The following MAPK10 variants were observed in gnomAD, a reference collection of about 807,000 sequenced individuals.
MAPK10 encodes mitogen-activated protein kinase 10, also known as JNK3 alpha protein kinase.
MAPK10 carries 25 observed loss-of-function variants against 59.3 expected under a neutral mutation model. The ratio of observed to expected loss-of-function variants is 0.42; its 90% CI spans 0.31 to 0.59. The LOEUF (loss-of-function observed/expected upper bound fraction) is 0.59, where lower values mean the gene tolerates loss of function less well. Ranked by LOEUF, MAPK10 falls within the 20% of genes least tolerant of loss-of-function variation. The pLI, the probability that MAPK10 is intolerant of heterozygous loss-of-function variation, is 0.15. For synonymous variants in MAPK10, 190 were observed against 200.5 expected (o/e 0.95, Z 0.44); for missense variants, 351 against 568.9 (o/e 0.62, Z 3.90).
rs2095808575 is a variant in MAPK10, at chr4:86,317,365, GC to G, written c.-7+37164del. 2.0e-5 allele frequency among the ~76,000 whole-genome samples: 3 copies of G among 152,118 alleles called. No individual in the cohort carries two copies. The South Asian group carries it at 6.2e-4, about 32-fold the overall frequency. ...CTCCCTAGAAGATGCCCATTACTCT[GC>G]CCTCCTTAGTCCTGCCCACCTCTGA... On this transcript the variant is annotated intron_variant, in intron 2 of 13. Coordinates refer to ENST00000641462, the MANE Select transcript of MAPK10 (RefSeq NM_138982.4).
chr4:86,382,418 G>A (rs997161930), intron 1 of MAPK10, among the ~76,000 whole-genome samples: 5 of 152,010 alleles, frequency 3.3e-5, no homozygotes, highest in Non-Finnish European at 5.9e-5. Context: ...TATTCTAATT[G>A]TACCCTATTG....
chr4:86,068,050 T>A, intron 9 of MAPK10, 95 bp from the exon 10 acceptor site: 1 of 656,424 alleles, frequency 1.5e-6, no homozygotes, highest in Non-Finnish European at 2.5e-6. Context: ...CAACAGTCAT[T>A]AATGCAACTG....
intron 2 of MAPK10, among the ~76,000 whole-genome samples, chr4:86,321,218 A>G (rs567120714): frequency 3.3e-5 from 5 of 152,172 alleles, no homozygotes; most frequent in Admixed American, 2.6e-4. Context: ...CATTTGACCC[A>G]GCCATCCCAT....
At chr4:86,492,991 A>G (rs1019873093) in intron 1 of MAPK10, among the ~76,000 whole-genome samples, 1 of 152,164 alleles carries the variant, frequency 6.6e-6, no homozygotes, top group Admixed American at 6.5e-5. Flanking sequence ...CAAAATTGAA[A>G]ACCTAACTTA....
At chr4:86,516,806 T>A (rs1050918322) in intron 1 of MAPK10, among the ~76,000 whole-genome samples, 6 of 152,190 alleles carry the variant, frequency 3.9e-5, no homozygotes, top group Non-Finnish European at 8.8e-5. Context: ...ATCCAGGAGC[T>A]TTTTGGATGG....
intron 2 of MAPK10, among the ~76,000 whole-genome samples, chr4:86,324,998 C>A (rs1157489469): frequency 6.6e-6 from 1 of 152,116 alleles, no homozygotes; most frequent in Non-Finnish European, 1.5e-5. Flanking sequence ...TTCTAAATTG[C>A]CTACTGTTTC....
chr4:86,344,237 T>C (rs4693143), intron 2 of MAPK10, among the ~76,000 whole-genome samples: 109,600 of 151,970 alleles, frequency 0.72, 40,316 homozygotes, highest in South Asian at 0.9. Context: ...AGGAATTCTA[T>C]CCCCTCAGCT....
chr4:86,399,026 A>T (rs975250134), intron 1 of MAPK10, among the ~76,000 whole-genome samples: 2 of 152,214 alleles, frequency 1.3e-5, no homozygotes, highest in East Asian at 3.9e-4. Context: ...ACCTGGGTTG[A>T]TTCTGTCTTT....
chr4:86,201,312 C>A (rs186231943), intron 2 of MAPK10, among the ~76,000 whole-genome samples: 4 of 152,016 alleles, frequency 2.6e-5, no homozygotes, highest in Admixed American at 2.6e-4. Flanking sequence ...GAACCATTTT[C>A]AATCTCCTGC....
chr4:86,567,440 G>A (rs1176396769), intron 1 of MAPK10, among the ~76,000 whole-genome samples: 1 of 152,064 alleles, frequency 6.6e-6, no homozygotes, highest in Non-Finnish European at 1.5e-5. Flanking sequence ...GGCTGGTCTC[G>A]AACTCCTAAC....
intron 4 of MAPK10, among the ~76,000 whole-genome samples, chr4:86,136,180 G>C (rs2062033608): frequency 6.6e-6 from 1 of 152,140 alleles, no homozygotes. Context: ...AGGAAACACA[G>C]AGAATGCCAC....
intron 4 of MAPK10, among the ~76,000 whole-genome samples, chr4:86,107,872 T>C (rs1186428599): frequency 3.3e-5 from 5 of 152,166 alleles, no homozygotes; most frequent in African/African-American, 7.2e-5. Flanking sequence ...TTGTTTGTTA[T>C]TGTTTTTTAG....
At chr4:86,282,610 C>T (rs909972915) in intron 2 of MAPK10, among the ~76,000 whole-genome samples, 11 of 152,144 alleles carry the variant, frequency 7.2e-5, no homozygotes, top group Admixed American at 5.9e-4. Flanking sequence ...TTAAAATTTT[C>T]CCTGGCACCA....
At chr4:86,126,106 T>C (rs1236916163) in intron 4 of MAPK10, among the ~76,000 whole-genome samples, 1 of 152,110 alleles carries the variant, frequency 6.6e-6, no homozygotes, top group African/African-American at 2.4e-5. Context: ...GACTTTATGA[T>C]TGTCCTCCAC....
At chr4:86,420,997 G>A (rs1746456498) in intron 1 of MAPK10, among the ~76,000 whole-genome samples, 1 of 151,190 alleles carries the variant, frequency 6.6e-6, no homozygotes, top group African/African-American at 2.4e-5. Flanking sequence ...CAGGAGAATC[G>A]CTTGAACCCG....
chr4:86,011,053 T>C lies in MAPK10; in HGVS notation c.*6175A>G, dbSNP rs569953462. On this transcript the variant is annotated 3_prime_UTR_variant, in exon 14 of 14. Transcript: ENST00000641462. The stretch of plus-strand genomic sequence containing the variant: ...TAGGAATGTCTTTAAAAGTAAGAAA[T>C]ATTTGACATAAGGTAGAAAATTTCA... 1 of 152,380 alleles carries C rather than the reference T, an allele frequency of 6.6e-6. No individual in the cohort carries two copies. The highest frequency in any genetic ancestry group is 2.4e-5 in the African/African-American group (1 of 41,602). 9.4% of individuals were successfully genotyped at this position (152,380 alleles called of 1,614,324 possible).
At chr4:86,075,653 G>T (rs577424900) in intron 9 of MAPK10, among the ~76,000 whole-genome samples, 1 of 151,888 alleles carries the variant, frequency 6.6e-6, no homozygotes, top group Non-Finnish European at 1.5e-5. Flanking sequence ...ATACCCTGCT[G>T]TGTGAGGTGG....
chr4:86,246,687 TC>T (rs1160912275), intron 2 of MAPK10, among the ~76,000 whole-genome samples: 2 of 152,068 alleles, frequency 1.3e-5, no homozygotes, highest in Non-Finnish European at 2.9e-5. Flanking sequence ...TGTTACCACC[TC>T]CACTACAGAT....
At chr4:86,291,324 C>T (rs1325942450) in intron 2 of MAPK10, among the ~76,000 whole-genome samples, 2 of 152,180 alleles carry the variant, frequency 1.3e-5, no homozygotes, top group Non-Finnish European at 1.5e-5. Context: ...TACAGCACTT[C>T]AGAAGAGCAG....
Sources: allele counts gnomAD v4.1 joint callset (sites outside exome capture counted in the v4.1 genomes callset), GRCh38; gene constraint gnomAD v4.1.1; transcripts MANE v1.5; gene names NCBI Gene and HGNC (gene_info 2026-07-23, HGNC 2026-07-21).